The following MAML2 variants were observed in gnomAD, a reference collection of about 807,000 sequenced individuals.
MAML2 encodes mastermind-like protein 2.
A neutral mutation model predicts 96.1 loss-of-function variants in MAML2; 22 were observed. The ratio of observed to expected loss-of-function variants is 0.23; its 90% CI spans 0.16 to 0.33. The LOEUF (loss-of-function observed/expected upper bound fraction) is 0.33. MAML2 is among the 10% of genes least tolerant of loss of function. The probability of loss-of-function intolerance (pLI) is 1.00; values close to 1 mark genes in which losing one functional copy is unlikely to be tolerated. For synonymous variants in MAML2, 561 were observed against 521.3 expected (o/e 1.08, Z -1.04); for missense variants, 1,367 against 1,392.4 (o/e 0.98, Z 0.29).
At chr11:96,065,182 A>T (rs561132070) in intron 2 of MAML2, among the ~76,000 whole-genome samples, 105 of 152,376 alleles carry the variant, frequency 6.9e-4, no homozygotes, top group African/African-American at 2.5e-3. Context: ...ATTACATTTT[A>T]AAAAGCTTCA....
At chr11:96,039,265 G>A (rs1351235641) in intron 2 of MAML2, among the ~76,000 whole-genome samples, 2 of 150,444 alleles carry the variant, frequency 1.3e-5, no homozygotes, top group Non-Finnish European at 3.0e-5. Flanking sequence ...AAAAAGAGGA[G>A]AGGAGGGGAG....
intron 2 of MAML2, among the ~76,000 whole-genome samples, chr11:96,059,105 AT>A (rs1291175462): frequency 2.6e-5 from 4 of 152,214 alleles, no homozygotes; most frequent in African/African-American, 9.7e-5. Context: ...GCAATAAAAA[AT>A]AAAAGAGGAA....
chr11:96,171,758 T>C (rs1861301318), intron 1 of MAML2, among the ~76,000 whole-genome samples: 2 of 152,218 alleles, frequency 1.3e-5, no homozygotes, highest in African/African-American at 4.8e-5. Flanking sequence ...CCAAGGGATA[T>C]GGGTCCAGTT....
intron 2 of MAML2, among the ~76,000 whole-genome samples, chr11:96,029,016 G>A (rs1858568863): frequency 6.6e-6 from 1 of 152,108 alleles, no homozygotes; most frequent in Admixed American, 6.5e-5. Context: ...AAAGTCAGAG[G>A]TGTACTCTCC....
At chr11:96,170,917 T>C (rs1861282117) in intron 1 of MAML2, among the ~76,000 whole-genome samples, 1 of 152,186 alleles carries the variant, frequency 6.6e-6, no homozygotes, top group African/African-American at 2.4e-5. Flanking sequence ...GGTTTCACCA[T>C]GTTAGCCAGG....
intron 1 of MAML2, among the ~76,000 whole-genome samples, chr11:96,177,019 A>G (rs1861397720): frequency 1.3e-5 from 2 of 152,242 alleles, no homozygotes; most frequent in South Asian, 2.1e-4. Flanking sequence ...GAATAAATAT[A>G]CCATTCATGG....
At chr11:96,002,750 G>T (rs1241070568) in intron 2 of MAML2, among the ~76,000 whole-genome samples, 2 of 146,846 alleles carry the variant, frequency 1.4e-5, no homozygotes. Flanking sequence ...TGATCGGGAT[G>T]ATGAGGAGGA....
At chr11:96,032,969 T>C (rs1030132247) in intron 2 of MAML2, among the ~76,000 whole-genome samples, 4 of 152,254 alleles carry the variant, frequency 2.6e-5, no homozygotes, top group Admixed American at 2.6e-4. Flanking sequence ...TACATACCTA[T>C]GCGTTTGTCA....
intron 2 of MAML2, among the ~76,000 whole-genome samples, chr11:96,090,418 T>C (rs986129700): frequency 6.6e-6 from 1 of 152,210 alleles, no homozygotes; most frequent in Non-Finnish European, 1.5e-5. Context: ...AGATTTTCTT[T>C]TCACTCCTAT....
chr11:96,016,000 C>G (rs1169671347), intron 2 of MAML2, among the ~76,000 whole-genome samples: 1 of 151,992 alleles, frequency 6.6e-6, no homozygotes, highest in Non-Finnish European at 1.5e-5. Flanking sequence ...ATGGCTGGCC[C>G]TAGGGAATGT....
At chr11:96,090,326 T>C (rs1182848241) in intron 2 of MAML2, among the ~76,000 whole-genome samples, 2 of 152,220 alleles carry the variant, frequency 1.3e-5, no homozygotes, top group Non-Finnish European at 2.9e-5. Flanking sequence ...TTTATGGCTC[T>C]TTCCATAATC....
chr11:96,142,534 G>A (rs1860751938), intron 1 of MAML2, among the ~76,000 whole-genome samples: 1 of 152,202 alleles, frequency 6.6e-6, no homozygotes, highest in South Asian at 2.1e-4. Context: ...CCAGTACGAT[G>A]TTATTGCAGA....
intron 2 of MAML2, among the ~76,000 whole-genome samples, chr11:96,014,941 A>G (rs926234993): frequency 6.6e-6 from 1 of 152,216 alleles, no homozygotes; most frequent in African/African-American, 2.4e-5. Context: ...CACTTTCTCC[A>G]TATCAGTCAC....
chr11:96,004,277 A>G (rs998177935), intron 2 of MAML2, among the ~76,000 whole-genome samples: 32 of 87,506 alleles, frequency 3.7e-4, no homozygotes, highest in Admixed American at 9.1e-4. Context: ...GAGTCTAAAG[A>G]GGGGTAAATG....
chr11:96,002,898 GGAT>G (rs768381987), intron 2 of MAML2, among the ~76,000 whole-genome samples: 133 of 142,068 alleles, frequency 9.4e-4, no homozygotes, highest in Non-Finnish European at 1.6e-3. Context: ...AGGATGATGG[GGAT>G]GATGAGAAAG....
chr11:96,195,118 A>G (rs539957685), intron 1 of MAML2, among the ~76,000 whole-genome samples: 1 of 152,370 alleles, frequency 6.6e-6, no homozygotes, highest in East Asian at 1.9e-4. Flanking sequence ...CCTCAGTCAT[A>G]GGCTTTCTTT....
chr11:96,075,407 A>G (rs781345395), intron 2 of MAML2, among the ~76,000 whole-genome samples: 11 of 152,218 alleles, frequency 7.2e-5, no homozygotes, highest in African/African-American at 2.4e-4. Context: ...CAAGCATTGC[A>G]AAGTCTGACA....
chr11:95,997,289 C>T (rs942664446), intron 2 of MAML2, among the ~76,000 whole-genome samples: 1 of 151,972 alleles, frequency 6.6e-6, no homozygotes, highest in Non-Finnish European at 1.5e-5. Flanking sequence ...TAGTTTTCCA[C>T]GTTTGTGAGT....
intron 1 of MAML2, among the ~76,000 whole-genome samples, chr11:96,162,866 T>G (rs1565233956): frequency 6.6e-6 from 1 of 152,216 alleles, no homozygotes; most frequent in Non-Finnish European, 1.5e-5. Flanking sequence ...CTGGCATAGT[T>G]TGATTAAATG....
Sources: gnomAD v4.1 joint callset for allele counts (sites outside exome capture counted in the v4.1 genomes callset) on GRCh38, gnomAD v4.1.1 for gene constraint, MANE v1.5 for transcripts, NCBI Gene and HGNC (gene_info 2026-07-23, HGNC 2026-07-21) for gene names.